SEC23IP: variants seen among roughly 807,000 people sequenced by gnomAD.
The protein encoded by SEC23IP is SEC23 interacting protein, also known as SEC23-interacting protein.
A neutral mutation model predicts 113.4 loss-of-function variants in SEC23IP; 70 were observed. The ratio of observed to expected loss-of-function variants is 0.62; its 90% CI spans 0.51 to 0.75. The LOEUF (loss-of-function observed/expected upper bound fraction) is 0.75. Among genes scored for constraint, SEC23IP ranks in the 30% least tolerant of loss-of-function variants. The pLI, the probability that SEC23IP is intolerant of heterozygous loss-of-function variation, is 0.00. For missense variants in SEC23IP, 1,160 were observed against 1,204.9 expected, an observed-to-expected ratio of 0.96 and a Z score of 0.55; for synonymous variants, 398 against 421.0, an observed-to-expected ratio of 0.95 and a Z score of 0.67.
intron 2 of SEC23IP, among the ~76,000 whole-genome samples, chr10:119,901,758 C>G (rs921192510): frequency 6.6e-6 from 1 of 152,146 alleles, no homozygotes; most frequent in African/African-American, 2.4e-5. Context: ...GCAGTCTCAG[C>G]TCACTGCAAC....
intron 13 of SEC23IP, 21 bp from the exon 14 acceptor site, chr10:119,929,586 T>G: frequency 6.3e-7 from 1 of 1,590,868 alleles, no homozygotes; most frequent in Non-Finnish European, 8.6e-7. Context: ...TCATCTTTCA[T>G]TGTTATTTGA....
At chr10:119,910,239 G>A (rs1377923437) in intron 5 of SEC23IP, among the ~76,000 whole-genome samples, 2 of 152,200 alleles carry the variant, frequency 1.3e-5, no homozygotes, top group African/African-American at 2.4e-5. Context: ...AACCTTTCAA[G>A]TAAAAATGTG....
chr10:119,901,390 G>A (rs1046897520), intron 2 of SEC23IP, among the ~76,000 whole-genome samples: 7 of 151,556 alleles, frequency 4.6e-5, no homozygotes, highest in African/African-American at 9.7e-5. Context: ...TTTTAATGGC[G>A]CTGGAGGATC....
chr10:119,916,923 C>T (rs995550459), intron 8 of SEC23IP, among the ~76,000 whole-genome samples: 3 of 151,594 alleles, frequency 2.0e-5, no homozygotes, highest in Non-Finnish European at 2.9e-5. Flanking sequence ...CTCTGGAGTG[C>T]GCTGGCATGA....
chr10:119,894,849 A>ATAGC (rs1229046786), intron 1 of SEC23IP, among the ~76,000 whole-genome samples: 1 of 151,682 alleles, frequency 6.6e-6, no homozygotes, highest in Non-Finnish European at 1.5e-5. Context: ...TAAGTCTGGT[A>ATAGC]TAGCTACACC....
chr10:119,932,154 G>T lies in SEC23IP; in HGVS notation c.2594G>T (p.Arg865Leu), dbSNP rs11199127. The T allele has an allele frequency of 2.4e-4, 392 of 1,610,330 alleles. No individual in the cohort carries two copies. The highest frequency in any genetic ancestry group is 3.1e-4 in the Non-Finnish European group (370 of 1,176,686). ...LHLELKESLSRMGSDLKQGFI... is the reference protein window; with the variant it reads ...LHLELKESLSLMGSDLKQGFI... ...TTAGAATTGAAAGAGAGTCTCTCTC[G>T]TATGGGATCTGATTTGAAGCAGGGT... The change falls in exon 16 of 19, where the codon CGT becomes CTT. Residue 865 changes from arginine to leucine, a missense_variant. Arg to Leu is a moderately radical substitution (Grantham distance 102, BLOSUM62 -2). Transcript: ENST00000369075.
intron 1 of SEC23IP, 100 bp downstream of exon 1, chr10:119,893,045 C>T: frequency 7.6e-7 from 1 of 1,310,972 alleles, no homozygotes; most frequent in Non-Finnish European, 1.0e-6. Flanking sequence ...TCGAGCTACC[C>T]TCTGGATAGC....
In SEC23IP at chr10:119,943,165, G is replaced by T. The variant is rs1856004317; in HGVS notation, c.*2600G>T. 1 of 152,172 alleles carries T rather than the reference G, an allele frequency of 6.6e-6. No individual in the cohort carries two copies. Among genetic ancestry groups the T allele is most frequent in the African/African-American group, 2.4e-5 (1 of 41,436 alleles). The allele number at this position is 152,172 out of a possible 1,614,324, so 9.4% of individuals were successfully genotyped here. On this transcript the variant is annotated 3_prime_UTR_variant, in exon 19 of 19. Transcript: ENST00000369075. Reference sequence around the variant, plus strand: ...CAGCTTTCTGGTGGAAACTTGAACTGCAGACACTGAGTGTTTTGGTTTTCC... The same window carrying T: ...CAGCTTTCTGGTGGAAACTTGAACTTCAGACACTGAGTGTTTTGGTTTTCC...
Position 119,914,232 on chromosome 10 carries a change from G to T in SEC23IP, c.1313-498G>T, listed in dbSNP as rs569294748. On this transcript the variant is annotated intron_variant, in intron 6 of 18. Transcript: ENST00000369075. ...GGCCTGTGGGCCATTGTTTGCCATT[G>T]CCTGCTTTGGTGTATGTGCTTTGGT... is the stretch of plus-strand genomic sequence containing the variant. Among the ~76,000 whole-genome samples the T allele has an allele frequency of 4.6e-5, 7 of 152,334 alleles. No individual in the cohort carries two copies. The South Asian group carries it at 1.4e-3, about 32-fold the overall frequency.
intron 12 of SEC23IP, among the ~76,000 whole-genome samples, chr10:119,924,699 C>T (rs781704018): frequency 1.6e-4 from 25 of 152,130 alleles, no homozygotes; most frequent in Admixed American, 5.2e-4. Flanking sequence ...AAGCGTCAGC[C>T]ACTGGGCCCA....
chr10:119,912,256 G>A, intron 6 of SEC23IP, 92 bp downstream of exon 6: 1 of 1,346,642 alleles, frequency 7.4e-7, no homozygotes, highest in Non-Finnish European at 1.0e-6. Context: ...ACAGTTATTA[G>A]AATGCCCTGC....
At chr10:119,900,915 A>T (rs949233245) in intron 2 of SEC23IP, among the ~76,000 whole-genome samples, 2 of 151,884 alleles carry the variant, frequency 1.3e-5, no homozygotes, top group African/African-American at 4.8e-5. Context: ...TTTTTGGCAA[A>T]CATATAATAC....
rs916388728 is a variant in SEC23IP, at chr10:119,943,345, T to G, written c.*2780T>G. On this transcript the variant is annotated 3_prime_UTR_variant, in exon 19 of 19. Coordinates refer to ENST00000369075, the MANE Select transcript of SEC23IP (RefSeq NM_007190.4). ...TTGTGTTCCTGCTGTTGACTGTCCC[T>G]GCGGTGCACGGGACAGACTGTCAGC... 1 of 152,250 alleles carries G rather than the reference T, an allele frequency of 6.6e-6. No homozygotes were observed. The highest frequency in any genetic ancestry group is 1.5e-5 in the Non-Finnish European group (1 of 68,068). 9.4% of individuals were successfully genotyped at this position (152,250 alleles called of 1,614,324 possible).
chr10:119,912,215 A>G, intron 6 of SEC23IP, 51 bp downstream of exon 6: 1 of 1,567,494 alleles, frequency 6.4e-7, no homozygotes, highest in Non-Finnish European at 8.7e-7. Context: ...TCTCCATTTT[A>G]GCATCATTCT....
At chr10:119,898,365 G>T in intron 1 of SEC23IP, 62 bp from the exon 2 acceptor site, 1 of 1,487,006 alleles carries the variant, frequency 6.7e-7, no homozygotes, top group South Asian at 1.5e-5. Flanking sequence ...CTTCCTTATA[G>T]AATCGTATCT....
At chr10:119,907,933 C>CA (rs1227409346) in intron 4 of SEC23IP, among the ~76,000 whole-genome samples, 1 of 152,136 alleles carries the variant, frequency 6.6e-6, no homozygotes, top group Admixed American at 6.6e-5. Context: ...GACTGGGCAA[C>CA]AGAGCAAGAC....
intron 2 of SEC23IP, 112 bp downstream of exon 2, chr10:119,899,071 G>A: frequency 1.1e-6 from 1 of 920,454 alleles, no homozygotes; most frequent in Non-Finnish European, 1.6e-6. Flanking sequence ...TGACAAATTA[G>A]TTTCAGAGGG....
At chr10:119,929,836 A>G (rs1449665203) in intron 14 of SEC23IP, 74 bp downstream of exon 14, 4 of 1,031,244 alleles carry the variant, frequency 3.9e-6, no homozygotes, top group Non-Finnish European at 5.7e-6. Context: ...TTTTATAGAG[A>G]TGGGGTCTTA....
At chr10:119,919,394 A>T in intron 10 of SEC23IP, 50 bp from the exon 11 acceptor site, 1 of 1,519,824 alleles carries the variant, frequency 6.6e-7, no homozygotes, top group Non-Finnish European at 8.9e-7. Context: ...CAGTCATTAT[A>T]TGGGAGTTTT....
Sources: gnomAD v4.1 joint callset for allele counts (sites outside exome capture counted in the v4.1 genomes callset) on GRCh38, gnomAD v4.1.1 for gene constraint, MANE v1.5 for transcripts, NCBI Gene and HGNC (gene_info 2026-07-23, HGNC 2026-07-21) for gene names.